MTA3: variants seen among roughly 807,000 people sequenced by gnomAD.
The protein encoded by MTA3 is metastasis associated 1 family member 3.
MTA3 carries 34 observed loss-of-function variants against 83.5 expected under a neutral mutation model. The ratio of observed to expected loss-of-function variants is 0.41; its 90% CI spans 0.31 to 0.54. The LOEUF is 0.54. Among genes scored for constraint, MTA3 ranks in the 20% least tolerant of loss-of-function variants. MTA3 has a pLI of 0.33. For synonymous variants in MTA3, 303 were observed against 252.7 expected (o/e 1.20, Z -1.89); for missense variants, 761 against 726.4 (o/e 1.05, Z -0.55).
At chr2:42,659,585 TTA>T (rs1689480224) in intron 7 of MTA3, 176 bp from the exon 8 acceptor site, 1 of 316,772 alleles carries the variant, frequency 3.2e-6, no homozygotes, top group Non-Finnish European at 5.6e-6. Context: ...TTGTCAATTA[TTA>T]TATCTTATAG....
chr2:42,514,080 G>A (rs1323192501), intron 2 of MTA3, among the ~76,000 whole-genome samples: 3 of 152,144 alleles, frequency 2.0e-5, no homozygotes, highest in African/African-American at 4.8e-5. Flanking sequence ...GAGCATGCTG[G>A]TGCGTGCCTG....
chr2:42,633,815 G>C (rs953573456), intron 4 of MTA3, among the ~76,000 whole-genome samples: 32 of 151,520 alleles, frequency 2.1e-4, no homozygotes, highest in African/African-American at 7.0e-4. Context: ...CGTGTACCCG[G>C]GAGGCGGAGC....
At chr2:42,670,062 C>A (rs1002802805) in intron 8 of MTA3, among the ~76,000 whole-genome samples, 2 of 152,104 alleles carry the variant, frequency 1.3e-5, no homozygotes, top group African/African-American at 4.8e-5. Context: ...GAGTTCGAGA[C>A]CAGCCTGACC....
chr2:42,609,825 G>A (rs892452396), intron 4 of MTA3, among the ~76,000 whole-genome samples: 5 of 152,176 alleles, frequency 3.3e-5, no homozygotes, highest in South Asian at 4.1e-4. Flanking sequence ...CTGGCCAGGC[G>A]CAGTGGCTCA....
chr2:42,622,295 A>G (rs977899391), intron 4 of MTA3, among the ~76,000 whole-genome samples: 1 of 152,020 alleles, frequency 6.6e-6, no homozygotes, highest in African/African-American at 2.4e-5. Flanking sequence ...AATCGCAGGC[A>G]CTCAGCAGGC....
intron 4 of MTA3, among the ~76,000 whole-genome samples, chr2:42,616,654 C>G (rs1274907813): frequency 2.9e-5 from 4 of 137,398 alleles, no homozygotes; most frequent in Non-Finnish European, 3.1e-5. Context: ...TCATGGCTCA[C>G]TGCAGCCTCG....
At chr2:42,602,337 A>G (rs888702063) in intron 3 of MTA3, among the ~76,000 whole-genome samples, 2 of 152,182 alleles carry the variant, frequency 1.3e-5, no homozygotes, top group African/African-American at 2.4e-5. Flanking sequence ...GCTACTGCAA[A>G]TAAAGCTCCT....
At chr2:42,738,168 G>A (rs1668745787) in intron 16 of MTA3, among the ~76,000 whole-genome samples, 1 of 152,120 alleles carries the variant, frequency 6.6e-6, no homozygotes, top group Admixed American at 6.6e-5. Context: ...AGGCTGAGGT[G>A]GGAGGGTGGA....
At chr2:42,660,211 C>G (rs1460261966) in intron 8 of MTA3, among the ~76,000 whole-genome samples, 9 of 152,068 alleles carry the variant, frequency 5.9e-5, no homozygotes, top group African/African-American at 2.2e-4. Context: ...GCCTCAGCCT[C>G]CTGAGTAGTT....
chr2:42,506,836 A>G (rs1375877420), intron 2 of MTA3, among the ~76,000 whole-genome samples: 3 of 151,620 alleles, frequency 2.0e-5, no homozygotes, highest in Non-Finnish European at 4.4e-5. Context: ...CAAACTCCTG[A>G]CCTCAGGTGA....
intron 4 of MTA3, among the ~76,000 whole-genome samples, chr2:42,621,997 C>T (rs1444835252): frequency 5.3e-5 from 8 of 152,146 alleles, no homozygotes; most frequent in African/African-American, 1.2e-4. Flanking sequence ...ACTTCCCAGA[C>T]GGGGTGGCGG....
At chr2:42,500,755 A>G (rs140503492) in intron 2 of MTA3, among the ~76,000 whole-genome samples, 30 of 152,056 alleles carry the variant, frequency 2.0e-4, no homozygotes, top group African/African-American at 7.2e-4. Flanking sequence ...AGCATAGTAC[A>G]TTACACCGAG....
At chr2:42,541,327 A>C (rs1012666466) in intron 2 of MTA3, among the ~76,000 whole-genome samples, 3 of 152,108 alleles carry the variant, frequency 2.0e-5, no homozygotes, top group African/African-American at 7.2e-5. Context: ...CACTGCGCCC[A>C]GCCCAAATTT....
intron 16 of MTA3, among the ~76,000 whole-genome samples, chr2:42,732,972 GCCA>G (rs1405774520): frequency 6.6e-6 from 1 of 152,170 alleles, no homozygotes; most frequent in East Asian, 1.9e-4. Context: ...TTTGGGCAAA[GCCA>G]TTCAGCAAGT....
At chr2:42,641,475 A>G (rs952415559) in intron 5 of MTA3, among the ~76,000 whole-genome samples, 1 of 152,176 alleles carries the variant, frequency 6.6e-6, no homozygotes, top group African/African-American at 2.4e-5. Context: ...ATGGATAATG[A>G]TAATGCCCAG....
intron 7 of MTA3, among the ~76,000 whole-genome samples, chr2:42,658,280 T>C (rs1320831218): frequency 6.6e-6 from 1 of 152,088 alleles, no homozygotes; most frequent in African/African-American, 2.4e-5. Context: ...TGCTGTCATC[T>C]AACACAAGTA....
At chr2:42,498,392 T>A (rs1472207470) in intron 2 of MTA3, among the ~76,000 whole-genome samples, 1 of 152,142 alleles carries the variant, frequency 6.6e-6, no homozygotes, top group Non-Finnish European at 1.5e-5. Context: ...TTATTGTTGT[T>A]ATCAGTTTGC....
intron 8 of MTA3, among the ~76,000 whole-genome samples, chr2:42,664,743 G>C (rs1308820497): frequency 1.3e-5 from 2 of 152,096 alleles, no homozygotes; most frequent in Admixed American, 1.3e-4. Context: ...AGAGAGGGCA[G>C]GGTTGTGGAA....
At chr2:42,518,820 G>A (rs1450157482) in intron 2 of MTA3, among the ~76,000 whole-genome samples, 1 of 152,002 alleles carries the variant, frequency 6.6e-6, no homozygotes, top group East Asian at 1.9e-4. Context: ...TTAAAAATTA[G>A]CCAGGCATGG....
Sources: gnomAD v4.1 joint callset for allele counts (sites outside exome capture counted in the v4.1 genomes callset) on GRCh38, gnomAD v4.1.1 for gene constraint, MANE v1.5 for transcripts, NCBI Gene and HGNC (gene_info 2026-07-23, HGNC 2026-07-21) for gene names.